The following CDH18 variants were observed in gnomAD, a reference collection of about 807,000 sequenced individuals.
CDH18 encodes the protein cadherin-18.
A neutral mutation model predicts 67.9 loss-of-function variants in CDH18; 31 were observed. That is an observed-to-expected ratio of 0.46 (90% CI 0.34 to 0.62). CDH18 has a LOEUF of 0.62. Ranked by LOEUF, CDH18 falls within the 20% of genes least tolerant of loss-of-function variation. The probability of loss-of-function intolerance (pLI) is 0.01; values close to 1 mark genes in which losing one functional copy is unlikely to be tolerated. For missense variants in CDH18, 890 were observed against 975.5 expected, an observed-to-expected ratio of 0.91 and a Z score of 1.17; for synonymous variants, 362 against 347.2, an observed-to-expected ratio of 1.04 and a Z score of -0.48.
chr5:20,434,837 G>A (rs1749047904), intron 1 of CDH18, among the ~76,000 whole-genome samples: 1 of 151,880 alleles, frequency 6.6e-6, no homozygotes, highest in Non-Finnish European at 1.5e-5. Context: ...TGAAATAGGA[G>A]TAAAAGTCCC....
intron 5 of CDH18, among the ~76,000 whole-genome samples, chr5:19,627,802 G>A (rs1379266534): frequency 2.0e-5 from 3 of 152,186 alleles, no homozygotes; most frequent in African/African-American, 7.2e-5. Flanking sequence ...ATGCCCTAAT[G>A]TGGGTGCTTT....
intron 1 of CDH18, among the ~76,000 whole-genome samples, chr5:20,548,435 A>G (rs1434003898): frequency 1.7e-5 from 2 of 115,312 alleles, no homozygotes; most frequent in Admixed American, 1.8e-4. Context: ...AATAGAGAAC[A>G]TGTTTGTGTG....
At chr5:19,890,443 G>A in intron 2 of CDH18, among the ~76,000 whole-genome samples, 1 of 152,082 alleles carries the variant, frequency 6.6e-6, no homozygotes, top group East Asian at 1.9e-4. Flanking sequence ...CATTCTGCCT[G>A]CTACAATGGT....
intron 1 of CDH18, among the ~76,000 whole-genome samples, chr5:20,483,970 G>T (rs1483270029): frequency 1.3e-5 from 2 of 151,580 alleles, no homozygotes; most frequent in African/African-American, 4.8e-5. Flanking sequence ...ACTAAAAATG[G>T]AACAACAAAC....
At chr5:20,280,108 A>G (rs1035086580) in intron 1 of CDH18, among the ~76,000 whole-genome samples, 1 of 152,178 alleles carries the variant, frequency 6.6e-6, no homozygotes, top group Non-Finnish European at 1.5e-5. Context: ...TACAGATTCA[A>G]TGCAATCTCT....
intron 11 of CDH18, among the ~76,000 whole-genome samples, chr5:19,499,107 C>T (rs1742813892): frequency 6.6e-6 from 1 of 152,158 alleles, no homozygotes; most frequent in South Asian, 2.1e-4. Flanking sequence ...ACATGAGCTC[C>T]AATTTTGTGC....
At chr5:19,793,997 A>G (rs1776614879) in intron 3 of CDH18, among the ~76,000 whole-genome samples, 1 of 152,102 alleles carries the variant, frequency 6.6e-6, no homozygotes, top group African/African-American at 2.4e-5. Flanking sequence ...AAGTTGAAAT[A>G]CCCTCTTGAA....
At chr5:19,770,314 GA>G (rs942522499) in intron 3 of CDH18, among the ~76,000 whole-genome samples, 11 of 148,090 alleles carry the variant, frequency 7.4e-5, no homozygotes, top group Non-Finnish European at 1.0e-4. Context: ...CAAACAGTTT[GA>G]AAAAAAAACA....
chr5:20,475,034 G>A (rs1354497427), intron 1 of CDH18, among the ~76,000 whole-genome samples: 1 of 151,758 alleles, frequency 6.6e-6, no homozygotes, highest in East Asian at 1.9e-4. Context: ...GATTATATGT[G>A]TGTTTATTTA....
chr5:20,399,344 G>C (rs1745564332), intron 1 of CDH18, among the ~76,000 whole-genome samples: 1 of 152,154 alleles, frequency 6.6e-6, no homozygotes, highest in South Asian at 2.1e-4. Flanking sequence ...GAATGTGAGG[G>C]AGAGAGAAGT....
At chr5:19,744,088 T>C (rs1769627445) in intron 4 of CDH18, among the ~76,000 whole-genome samples, 1 of 152,160 alleles carries the variant, frequency 6.6e-6, no homozygotes, top group Admixed American at 6.5e-5. Flanking sequence ...TATGTATTTG[T>C]TTTCCTATAG....
At chr5:19,547,415 T>C (rs2127110139) in intron 8 of CDH18, among the ~76,000 whole-genome samples, 1 of 152,308 alleles carries the variant, frequency 6.6e-6, no homozygotes, top group East Asian at 1.9e-4. Context: ...AAAGCTCAGA[T>C]TGTAGTGCTA....
chr5:20,013,166 T>A (rs1737603432), intron 2 of CDH18, among the ~76,000 whole-genome samples: 5 of 152,256 alleles, frequency 3.3e-5, no homozygotes, highest in Middle Eastern at 3.4e-3. Flanking sequence ...TTCTTAAATA[T>A]ACACCCGATG....
chr5:19,513,589 CTATTT>C (rs1396015999), intron 10 of CDH18, among the ~76,000 whole-genome samples: 1 of 151,940 alleles, frequency 6.6e-6, no homozygotes, highest in Admixed American at 6.6e-5. Context: ...AATTGTTATT[CTATTT>C]TATTTGGATT....
chr5:20,199,387 T>C (rs1739260097), intron 2 of CDH18, among the ~76,000 whole-genome samples: 2 of 152,200 alleles, frequency 1.3e-5, no homozygotes, highest in Admixed American at 6.5e-5. Context: ...GACTGCCCTA[T>C]TGAATTTTTG....
chr5:19,980,773 G>T (rs10805661), intron 2 of CDH18, among the ~76,000 whole-genome samples: 67,061 of 151,932 alleles, frequency 0.44, 16,600 homozygotes, highest in Middle Eastern at 0.64. Context: ...TCCCTGCAAC[G>T]CTACAGTTGC....
At chr5:19,703,601 A>G (rs1273528019) in intron 5 of CDH18, among the ~76,000 whole-genome samples, 1 of 152,102 alleles carries the variant, frequency 6.6e-6, no homozygotes, top group African/African-American at 2.4e-5. Flanking sequence ...TGCCCCAGTG[A>G]CTGTTCAAGC....
chr5:20,113,327 T>G (rs1747634244), intron 2 of CDH18, among the ~76,000 whole-genome samples: 1 of 152,210 alleles, frequency 6.6e-6, no homozygotes, highest in African/African-American at 2.4e-5. Context: ...GCCAACATAT[T>G]AGTCTTTAGT....
chr5:19,900,598 A>G (rs1789841671), intron 2 of CDH18, among the ~76,000 whole-genome samples: 1 of 152,328 alleles, frequency 6.6e-6, no homozygotes, highest in East Asian at 1.9e-4. Flanking sequence ...ATAAATTTTT[A>G]AAGTTGAAAA....
Sources: gnomAD v4.1 joint callset for allele counts (sites outside exome capture counted in the v4.1 genomes callset) on GRCh38, gnomAD v4.1.1 for gene constraint, MANE v1.5 for transcripts, NCBI Gene and HGNC (gene_info 2026-07-23, HGNC 2026-07-21) for gene names.